SSH2: variants seen among roughly 807,000 people sequenced by gnomAD.
The protein encoded by SSH2 is slingshot protein phosphatase 2, also known as protein phosphatase Slingshot homolog 2.
SSH2 carries 37 observed loss-of-function variants against 135.2 expected under a neutral mutation model. The observed-to-expected ratio is 0.27, with a 90% confidence interval of 0.21 to 0.36. SSH2 has a LOEUF of 0.36. Among genes scored for constraint, SSH2 ranks in the 10% least tolerant of loss-of-function variants. The pLI, the probability that SSH2 is intolerant of heterozygous loss-of-function variation, is 1.00. For synonymous variants in SSH2, 628 were observed against 646.2 expected (o/e 0.97, Z 0.43); for missense variants, 1,408 against 1,765.3 (o/e 0.80, Z 3.63).
Position 29,655,674 on chromosome 17 carries a change from C to A in SSH2, c.1033-67G>T, listed in dbSNP as rs371968761. ...CAACCAAACAATACTTGAAAAGGAG[C>A]GAGAGAAGAAGAACTTTCAAAAAGA... On this transcript the variant is annotated intron_variant, in intron 11 of 15. Coordinates refer to ENST00000540801, the MANE Select transcript of SSH2 (RefSeq NM_001282129.2). The A allele has an allele frequency of 4.2e-6, 6 of 1,443,326 alleles. No homozygotes were observed. The Admixed American group carries it at 6.7e-5, about 16-fold the overall frequency. The allele number at this position is 1,443,326 out of a possible 1,614,324, so 89.4% of individuals were successfully genotyped here. A position where few individuals can be genotyped will look rare whatever the true frequency, so the allele number is the denominator to read the frequency against.
At chr17:29,878,754 C>A (rs1050731674) in intron 1 of SSH2, among the ~76,000 whole-genome samples, 1 of 151,996 alleles carries the variant, frequency 6.6e-6, no homozygotes, top group African/African-American at 2.4e-5. Context: ...AAAGAAAATC[C>A]AGCTGTGCCC....
At chr17:29,824,506 G>C (rs1347943028) in intron 2 of SSH2, among the ~76,000 whole-genome samples, 6 of 152,170 alleles carry the variant, frequency 3.9e-5, no homozygotes, top group South Asian at 2.1e-4. Flanking sequence ...CTGCCCTGAA[G>C]TGGATCACAT....
intron 2 of SSH2, among the ~76,000 whole-genome samples, chr17:29,831,392 C>G (rs1377225760): frequency 6.6e-6 from 1 of 152,068 alleles, no homozygotes; most frequent in Non-Finnish European, 1.5e-5. Flanking sequence ...AGGGCAAATA[C>G]AGTATTTCCT....
chr17:29,910,807 T>C (rs768759745), intron 1 of SSH2, among the ~76,000 whole-genome samples: 2 of 152,232 alleles, frequency 1.3e-5, no homozygotes, highest in Non-Finnish European at 2.9e-5. Context: ...GTGTGAATGA[T>C]ATACTTCACA....
intron 1 of SSH2, among the ~76,000 whole-genome samples, chr17:29,893,526 G>A (rs2066389062): frequency 6.6e-6 from 1 of 152,092 alleles, no homozygotes; most frequent in South Asian, 2.1e-4. Context: ...CCTTCTACAT[G>A]AGGATGCAGC....
intron 3 of SSH2, among the ~76,000 whole-genome samples, chr17:29,769,067 A>G (rs989600715): frequency 6.6e-6 from 1 of 152,134 alleles, no homozygotes; most frequent in African/African-American, 2.4e-5. Context: ...ATAAAAAATA[A>G]TAAAAAAATA....
At chr17:29,733,864 T>C (rs1044292608) in intron 3 of SSH2, among the ~76,000 whole-genome samples, 6 of 152,044 alleles carry the variant, frequency 3.9e-5, no homozygotes, top group African/African-American at 1.4e-4. Context: ...GAGGAAAAAT[T>C]TCTAAGATAC....
intron 1 of SSH2, among the ~76,000 whole-genome samples, chr17:29,888,765 C>A (rs547980193): frequency 3.4e-5 from 5 of 146,844 alleles, no homozygotes; most frequent in African/African-American, 5.1e-5. Flanking sequence ...AAAATCACAT[C>A]CCTACAAAAA....
chr17:29,923,062 C>T (rs569669811), intron 1 of SSH2, among the ~76,000 whole-genome samples: 50 of 152,226 alleles, frequency 3.3e-4, no homozygotes, highest in African/African-American at 1.1e-3. Flanking sequence ...AGGCATGTAC[C>T]GCCACACCCA....
At chr17:29,921,499 TAAA>T (rs2066975558) in intron 1 of SSH2, among the ~76,000 whole-genome samples, 1 of 152,210 alleles carries the variant, frequency 6.6e-6, no homozygotes, top group African/African-American at 2.4e-5. Context: ...TGTCTATGCT[TAAA>T]AACAGTAGAA....
At chr17:29,724,478 A>C (rs2039922899) in intron 3 of SSH2, among the ~76,000 whole-genome samples, 1 of 128,810 alleles carries the variant, frequency 7.8e-6, no homozygotes, top group African/African-American at 2.9e-5. Context: ...CAGTGAGCCA[A>C]GATTGTGCCA....
At chr17:29,677,136 G>C (rs1299433801) in intron 7 of SSH2, among the ~76,000 whole-genome samples, 1 of 152,180 alleles carries the variant, frequency 6.6e-6, no homozygotes, top group African/African-American at 2.4e-5. Context: ...CAGTTTCCCA[G>C]CTGTAGCTAT....
At chr17:29,722,534 T>C (rs1311431443) in intron 3 of SSH2, among the ~76,000 whole-genome samples, 7 of 152,146 alleles carry the variant, frequency 4.6e-5, no homozygotes, top group Non-Finnish European at 1.0e-4. Flanking sequence ...AGTGGCTAAA[T>C]GACAAAGTAT....
At position 29,897,199 on chromosome 17, in the gene SSH2, G is replaced by A. The variant is rs144602477; in HGVS notation, c.63+32739C>T. Reference sequence around the variant, plus strand: ...AACATGCCAAATTGTAAAGACCATCGAGGCTAGGAAGAAACTTCATCAACT... The same window carrying A: ...AACATGCCAAATTGTAAAGACCATCAAGGCTAGGAAGAAACTTCATCAACT... On this transcript the variant is annotated intron_variant, in intron 1 of 15. Coordinates refer to ENST00000540801, the MANE Select transcript of SSH2 (RefSeq NM_001282129.2). 1.8e-3 allele frequency among the ~76,000 whole-genome samples: 280 copies of A among 152,024 alleles called. 2 individuals are homozygous for A. Among genetic ancestry groups the A allele is most frequent in the African/African-American group, 6.5e-3 (269 of 41,500 alleles).
intron 2 of SSH2, among the ~76,000 whole-genome samples, chr17:29,826,554 T>C (rs2042747552): frequency 6.6e-6 from 1 of 152,206 alleles, no homozygotes; most frequent in African/African-American, 2.4e-5. Flanking sequence ...CAGAAATGCA[T>C]TGATGTTATT....
At chr17:29,860,351 G>A (rs1599105332) in intron 1 of SSH2, among the ~76,000 whole-genome samples, 1 of 151,512 alleles carries the variant, frequency 6.6e-6, no homozygotes, top group South Asian at 2.1e-4. Context: ...TTTCTCTAAT[G>A]ATCAGTGATG....
At chr17:29,710,009 TAGACA>T (rs1391988011) in intron 3 of SSH2, among the ~76,000 whole-genome samples, 2 of 152,354 alleles carry the variant, frequency 1.3e-5, no homozygotes, top group African/African-American at 4.8e-5. Context: ...AGTTTCTTCT[TAGACA>T]AAGTGTGGAG....
At chr17:29,844,698 G>A (rs1260442915) in intron 2 of SSH2, among the ~76,000 whole-genome samples, 1 of 152,140 alleles carries the variant, frequency 6.6e-6, no homozygotes, top group Non-Finnish European at 1.5e-5. Context: ...CCCCATTATG[G>A]AGACCTCTAA....
intron 5 of SSH2, among the ~76,000 whole-genome samples, chr17:29,687,259 C>T (rs920146719): frequency 2.6e-5 from 4 of 152,116 alleles, no homozygotes; most frequent in Non-Finnish European, 4.4e-5. Flanking sequence ...CCATGGCTAT[C>T]TTTTTGTCTC....
Sources: allele counts gnomAD v4.1 joint callset (sites outside exome capture counted in the v4.1 genomes callset), GRCh38; gene constraint gnomAD v4.1.1; transcripts MANE v1.5; gene names NCBI Gene and HGNC (gene_info 2026-07-23, HGNC 2026-07-21).